The following NBDY variants were observed in gnomAD, a reference collection of about 807,000 sequenced individuals.
NBDY encodes P-body dissociating protein.
intron 1 of NBDY, among the ~76,000 whole-genome samples, chrX:56,730,624 C>G (rs1290789513): frequency 1.9e-5 from 2 of 103,246 alleles, no homozygotes; most frequent in African/African-American, 3.5e-5. Context: ...CTTTTCAGGC[C>G]GAGGGTTTCC....
intron 2 of NBDY, among the ~76,000 whole-genome samples, chrX:56,753,502 TGTC>T (rs34536462): frequency 0.099 from 11,042 of 111,173 alleles, 1,065 homozygotes; most frequent in African/African-American, 0.29. Flanking sequence ...AGGTGAGAGT[TGTC>T]ATCATATAGA....
chrX:56,747,631 T>A (rs1259482594), intron 2 of NBDY, among the ~76,000 whole-genome samples: 1 of 111,652 alleles, frequency 9.0e-6, no homozygotes, highest in Non-Finnish European at 1.9e-5. Flanking sequence ...GGGATGTGAC[T>A]GACAATCTTG....
intron 2 of NBDY, among the ~76,000 whole-genome samples, chrX:56,733,384 A>G (rs1043376720): frequency 8.1e-5 from 9 of 111,257 alleles, no homozygotes; most frequent in African/African-American, 2.6e-4. Flanking sequence ...AGAGTGAACA[A>G]TCATATAAAA....
At chrX:56,789,843 C>T (rs1221393797) in intron 2 of NBDY, among the ~76,000 whole-genome samples, 1 of 111,677 alleles carries the variant, frequency 9.0e-6, no homozygotes, top group African/African-American at 3.3e-5. Flanking sequence ...GCATCTTGGT[C>T]ATTCTTCCCA....
intron 2 of NBDY, among the ~76,000 whole-genome samples, chrX:56,815,909 G>T (rs2069908677): frequency 9.0e-6 from 1 of 111,252 alleles, no homozygotes; most frequent in Non-Finnish European, 1.9e-5. Context: ...AACCTCCACA[G>T]ATTTAGAATT....
At chrX:56,781,631 C>A (rs1355804199) in intron 2 of NBDY, among the ~76,000 whole-genome samples, 1 of 111,767 alleles carries the variant, frequency 8.9e-6, no homozygotes, top group African/African-American at 3.3e-5. Flanking sequence ...TCACTTTTTT[C>A]TTCTTCACTG....
intron 2 of NBDY, among the ~76,000 whole-genome samples, chrX:56,807,875 G>A (rs1017175572): frequency 6.3e-5 from 7 of 111,914 alleles, no homozygotes; most frequent in African/African-American, 2.0e-4. Flanking sequence ...GGTGAGAGAG[G>A]GCATTCTTGT....
chrX:56,799,727 C>T (rs1211043351), intron 2 of NBDY, among the ~76,000 whole-genome samples: 2 of 112,940 alleles, frequency 1.8e-5, no homozygotes, highest in Non-Finnish European at 3.7e-5. Context: ...TCTCTCCTTC[C>T]TTTTGCTGCC....
At chrX:56,749,830 G>A (rs1037750344) in intron 2 of NBDY, among the ~76,000 whole-genome samples, 9 of 110,327 alleles carry the variant, frequency 8.2e-5, no homozygotes, top group African/African-American at 2.6e-4. Flanking sequence ...TTTTGCGTTT[G>A]TTGTAGAAAC....
At chrX:56,762,448 G>T (rs1488131475) in intron 2 of NBDY, among the ~76,000 whole-genome samples, 1 of 110,894 alleles carries the variant, frequency 9.0e-6, no homozygotes, top group Non-Finnish European at 1.9e-5. Context: ...CCCTCTGCGT[G>T]CTAGGCAAGG....
intron 2 of NBDY, among the ~76,000 whole-genome samples, chrX:56,793,879 A>T (rs142410083): frequency 1.7e-3 from 190 of 111,449 alleles, no homozygotes; most frequent in African/African-American, 5.3e-3. Context: ...GAGTCACCCC[A>T]CACTCAGCAT....
intron 2 of NBDY, among the ~76,000 whole-genome samples, chrX:56,758,395 C>A (rs1318632263): frequency 1.8e-5 from 2 of 110,485 alleles, no homozygotes; most frequent in Middle Eastern, 4.2e-3. Context: ...ACCCATCCAG[C>A]AGAACAGGGT....
At chrX:56,766,005 G>A (rs1290726717) in intron 2 of NBDY, among the ~76,000 whole-genome samples, 2 of 111,502 alleles carry the variant, frequency 1.8e-5, no homozygotes, top group Admixed American at 9.5e-5. Flanking sequence ...AAGGAGCACA[G>A]ATGAAGGTCA....
intron 2 of NBDY, among the ~76,000 whole-genome samples, chrX:56,733,793 C>G (rs767098406): frequency 8.9e-6 from 1 of 112,223 alleles, no homozygotes; most frequent in Non-Finnish European, 1.9e-5. Context: ...ACAGTGTAAA[C>G]CCATCTGCTT....
chrX:56,742,520 C>T (rs945399787), intron 2 of NBDY, among the ~76,000 whole-genome samples: 5 of 110,965 alleles, frequency 4.5e-5, no homozygotes, highest in Non-Finnish European at 9.5e-5. Flanking sequence ...CAGTGTTCTA[C>T]AGTTTTTATT....
chrX:56,793,348 G>A (rs1246427216), intron 2 of NBDY, among the ~76,000 whole-genome samples: 1 of 111,770 alleles, frequency 8.9e-6, no homozygotes, highest in African/African-American at 3.3e-5. Context: ...TACCTGGAGA[G>A]GACCAAAGGA....
intron 2 of NBDY, among the ~76,000 whole-genome samples, chrX:56,809,173 A>G (rs1289747200): frequency 8.9e-6 from 1 of 111,894 alleles, no homozygotes; most frequent in Non-Finnish European, 1.9e-5. Flanking sequence ...TTTTACTTCC[A>G]ATTATTTGGT....
chrX:56,742,331 A>G (rs2069535597), intron 2 of NBDY, among the ~76,000 whole-genome samples: 1 of 111,772 alleles, frequency 8.9e-6, no homozygotes, highest in Non-Finnish European at 1.9e-5. Flanking sequence ...GTGGCTCCAT[A>G]TAAATTTTAG....
chrX:56,752,312 A>T (rs1208738748), intron 2 of NBDY, among the ~76,000 whole-genome samples: 1 of 112,131 alleles, frequency 8.9e-6, no homozygotes, highest in Non-Finnish European at 1.9e-5. Flanking sequence ...ACTAATTTAC[A>T]TTCACACCAG....
Sources: gnomAD v4.1 joint callset for allele counts (sites outside exome capture counted in the v4.1 genomes callset) on GRCh38, gnomAD v4.1.1 for gene constraint, MANE v1.5 for transcripts, NCBI Gene and HGNC (gene_info 2026-07-23, HGNC 2026-07-21) for gene names.